Variants in ACOXL observed in about 807,000 individuals in gnomAD.
ACOXL encodes the protein acyl-CoA oxidase like.
Under a neutral mutation model 71.9 loss-of-function variants are expected in ACOXL, and 70 were observed. The observed-to-expected ratio is 0.97, with a 90% CI of 0.80 to 1.19. The LOEUF (loss-of-function observed/expected upper bound fraction) is 1.19, where lower values mean the gene tolerates loss of function less well. Ranked by LOEUF, ACOXL falls within the 50% of genes most tolerant of loss-of-function variation. The pLI is 0.00. For missense variants in ACOXL, 703 were observed against 736.3 expected, an observed-to-expected ratio of 0.95 and a Z score of 0.52; for synonymous variants, 253 against 281.6, an observed-to-expected ratio of 0.90 and a Z score of 1.02.
At chr2:110,803,951 C>T (rs1213871254) in intron 8 of ACOXL, among the ~76,000 whole-genome samples, 1 of 151,602 alleles carries the variant, frequency 6.6e-6, no homozygotes, top group Non-Finnish European at 1.5e-5. Flanking sequence ...GAATCAAAAC[C>T]ACTGTGAATA....
At chr2:111,080,053 G>A (rs974126520) in intron 16 of ACOXL, among the ~76,000 whole-genome samples, 9 of 152,096 alleles carry the variant, frequency 5.9e-5, no homozygotes, top group Admixed American at 5.9e-4. Flanking sequence ...GTATTTCTGT[G>A]GGATCAGTGG....
intron 15 of ACOXL, among the ~76,000 whole-genome samples, chr2:111,033,965 A>G (rs960128332): frequency 1.3e-5 from 2 of 152,230 alleles, no homozygotes; most frequent in Non-Finnish European, 1.5e-5. Context: ...ATCACTGCAC[A>G]ATTCATTTCA....
At chr2:110,833,476 C>T (rs564499239) in intron 9 of ACOXL, among the ~76,000 whole-genome samples, 34 of 152,114 alleles carry the variant, frequency 2.2e-4, no homozygotes, top group African/African-American at 7.2e-4. Context: ...GGGATGCTTG[C>T]GGGGATGGAG....
intron 17 of ACOXL, among the ~76,000 whole-genome samples, chr2:111,105,751 T>C (rs1368325348): frequency 1.3e-5 from 2 of 152,150 alleles, no homozygotes; most frequent in Admixed American, 6.5e-5. Context: ...TTCTTATAGA[T>C]TCCTTGGAAT....
chr2:110,902,904 G>T (rs2059296409), intron 10 of ACOXL, among the ~76,000 whole-genome samples: 1 of 152,210 alleles, frequency 6.6e-6, no homozygotes, highest in Non-Finnish European at 1.5e-5. Flanking sequence ...CTTGAATCCT[G>T]CCTGTGGTCA....
intron 14 of ACOXL, among the ~76,000 whole-genome samples, chr2:111,007,302 G>T (rs2063923806): frequency 6.6e-6 from 1 of 152,102 alleles, no homozygotes; most frequent in African/African-American, 2.4e-5. Context: ...ATCCATCAGT[G>T]GATCTTTTTG....
chr2:110,988,903 TATTG>T (rs1373240767), intron 13 of ACOXL, among the ~76,000 whole-genome samples: 2 of 133,094 alleles, frequency 1.5e-5, no homozygotes, highest in African/African-American at 2.6e-5. Flanking sequence ...GTCTTGTTCT[TATTG>T]ATTTTTAAGG....
chr2:110,984,135 T>C (rs1460136330), intron 12 of ACOXL, among the ~76,000 whole-genome samples: 1 of 152,140 alleles, frequency 6.6e-6, no homozygotes, highest in Non-Finnish European at 1.5e-5. Context: ...CGTGCACCAC[T>C]GCGCCTGGCC....
chr2:110,884,025 A>G (rs969548022), intron 10 of ACOXL, among the ~76,000 whole-genome samples: 5 of 152,200 alleles, frequency 3.3e-5, no homozygotes, highest in East Asian at 1.9e-4. Context: ...AGAGGAGGCA[A>G]AATTTTACCT....
At chr2:110,911,613 AC>A (rs1487643842) in intron 11 of ACOXL, among the ~76,000 whole-genome samples, 5 of 152,226 alleles carry the variant, frequency 3.3e-5, no homozygotes, top group African/African-American at 1.2e-4. Context: ...GTGAAAAAAA[AC>A]ATGATCATCC....
intron 10 of ACOXL, among the ~76,000 whole-genome samples, chr2:110,857,685 T>A (rs1164361064): frequency 6.6e-6 from 1 of 152,132 alleles, no homozygotes; most frequent in Non-Finnish European, 1.5e-5. Flanking sequence ...CTAGAGTATT[T>A]TATTTATTTA....
chr2:110,766,266 C>T (rs1166637843), intron 1 of ACOXL, among the ~76,000 whole-genome samples: 1 of 152,108 alleles, frequency 6.6e-6, no homozygotes, highest in Non-Finnish European at 1.5e-5. Flanking sequence ...TTTATTGTGT[C>T]CTAGACATTT....
At chr2:111,062,863 A>G (rs2066885443) in intron 16 of ACOXL, among the ~76,000 whole-genome samples, 1 of 152,160 alleles carries the variant, frequency 6.6e-6, no homozygotes, top group African/African-American at 2.4e-5. Flanking sequence ...GGGAACAACA[A>G]CGAAACAAAG....
At chr2:110,919,980 T>C (rs2060006104) in intron 11 of ACOXL, among the ~76,000 whole-genome samples, 1 of 152,226 alleles carries the variant, frequency 6.6e-6, no homozygotes, top group Non-Finnish European at 1.5e-5. Context: ...GGGAGGAACA[T>C]GTAGGTTGTT....
At chr2:111,046,176 C>A (rs1429030139) in intron 15 of ACOXL, among the ~76,000 whole-genome samples, 1 of 152,226 alleles carries the variant, frequency 6.6e-6, no homozygotes, top group African/African-American at 2.4e-5. Flanking sequence ...AGACTCACTG[C>A]CAGCACCGTT....
At chr2:111,041,488 T>C (rs543587120) in intron 15 of ACOXL, among the ~76,000 whole-genome samples, 1 of 152,046 alleles carries the variant, frequency 6.6e-6, no homozygotes, top group East Asian at 1.9e-4. Flanking sequence ...TCCATGCAGG[T>C]GAAGGGGGAT....
chr2:110,979,544 G>C (rs1334599866), intron 12 of ACOXL, among the ~76,000 whole-genome samples: 1 of 152,176 alleles, frequency 6.6e-6, no homozygotes, highest in Non-Finnish European at 1.5e-5. Flanking sequence ...TGGGGTGTGA[G>C]GGCCCCAGCT....
At chr2:111,039,414 A>G (rs1472848158) in intron 15 of ACOXL, among the ~76,000 whole-genome samples, 2 of 152,068 alleles carry the variant, frequency 1.3e-5, no homozygotes, top group African/African-American at 4.8e-5. Flanking sequence ...AAAAAGAAAA[A>G]AAAAAAGGCA....
intron 9 of ACOXL, 83 bp downstream of exon 9, chr2:110,805,478 C>T: frequency 6.4e-7 from 1 of 1,571,048 alleles, no homozygotes; most frequent in South Asian, 1.1e-5. Flanking sequence ...AGGAGCTGAG[C>T]TTCTGGAGCC....
Sources: allele counts gnomAD v4.1 joint callset (sites outside exome capture counted in the v4.1 genomes callset), GRCh38; gene constraint gnomAD v4.1.1; transcripts MANE v1.5; gene names NCBI Gene and HGNC (gene_info 2026-07-23, HGNC 2026-07-21).